SEZ6: variants seen among roughly 807,000 people sequenced by gnomAD.
SEZ6 encodes the protein seizure related 6 homolog, also known as seizure protein 6 homolog.
SEZ6 carries 53 observed loss-of-function variants against 101.0 expected under a neutral mutation model. The observed-to-expected ratio is 0.52, with a 90% CI of 0.42 to 0.66. SEZ6 has a LOEUF of 0.66. SEZ6 is among the 30% of genes least tolerant of loss of function. The pLI, the probability that SEZ6 is intolerant of heterozygous loss-of-function variation, is 0.00. For synonymous variants in SEZ6, 488 were observed against 512.2 expected, an observed-to-expected ratio of 0.95 and a Z score of 0.64; for missense variants, 1,102 against 1,289.4, an observed-to-expected ratio of 0.85 and a Z score of 2.23.
chr17:28,988,408 T>C (rs2041412788), intron 1 of SEZ6, among the ~76,000 whole-genome samples: 1 of 152,170 alleles, frequency 6.6e-6, no homozygotes. Flanking sequence ...GCACACTGTT[T>C]CCAAGCCCCG....
At chr17:28,990,700 C>A (rs569921400) in intron 1 of SEZ6, among the ~76,000 whole-genome samples, 1 of 152,052 alleles carries the variant, frequency 6.6e-6, no homozygotes, top group East Asian at 1.9e-4. Context: ...TCATCCCCAA[C>A]CAATCAGCAG....
chr17:28,960,011 T>C, intron 7 of SEZ6, 119 bp from the exon 8 acceptor site: 1 of 1,104,330 alleles, frequency 9.1e-7, no homozygotes, highest in East Asian at 2.6e-5. Flanking sequence ...GACAAATATA[T>C]GTCCTGGGGT....
intron 1 of SEZ6, among the ~76,000 whole-genome samples, chr17:28,995,291 T>C (rs1337353630): frequency 6.6e-6 from 1 of 151,930 alleles, no homozygotes; most frequent in Non-Finnish European, 1.5e-5. Flanking sequence ...CACATGTGTA[T>C]GTATGTAGGT....
chr17:28,999,733 G>A (rs2041590104), intron 1 of SEZ6, among the ~76,000 whole-genome samples: 1 of 152,158 alleles, frequency 6.6e-6, no homozygotes, highest in African/African-American at 2.4e-5. Flanking sequence ...GGCTGAAGGG[G>A]AGAGGTAGGG....
chr17:28,960,476 C>T, intron 7 of SEZ6, 29 bp downstream of exon 7: 1 of 1,575,392 alleles, frequency 6.3e-7, no homozygotes, highest in Non-Finnish European at 8.6e-7. Context: ...GTGGACCCGC[C>T]ACCCCCAGTG....
intron 3 of SEZ6, among the ~76,000 whole-genome samples, chr17:28,976,847 C>T (rs1365627140): frequency 1.3e-5 from 2 of 152,234 alleles, no homozygotes; most frequent in Non-Finnish European, 2.9e-5. Flanking sequence ...TCTCATCCTA[C>T]AGGTCTCAGG....
At chr17:28,972,422 G>T (rs2041164622) in intron 3 of SEZ6, among the ~76,000 whole-genome samples, 1 of 152,186 alleles carries the variant, frequency 6.6e-6, no homozygotes, top group Non-Finnish European at 1.5e-5. Context: ...CTCAGACTGG[G>T]TGCTGAGAAG....
intron 3 of SEZ6, 27 bp from the exon 4 acceptor site, chr17:28,969,979 CAAAGT>C: frequency 4.0e-6 from 6 of 1,512,100 alleles, no homozygotes; most frequent in Non-Finnish European, 5.2e-6. Flanking sequence ...GAGAGAAAAG[CAAAGT>C]AGTCAGACTT....
At chr17:28,971,083 G>C (rs529889783) in intron 3 of SEZ6, among the ~76,000 whole-genome samples, 2 of 152,346 alleles carry the variant, frequency 1.3e-5, no homozygotes, top group African/African-American at 4.8e-5. Flanking sequence ...ACTCTGCCCA[G>C]AGGGAAATTA....
rs1296043832 is a variant in SEZ6 at position 28,969,893 on chromosome 17, A to G, written c.918T>C (p.Pro306=). ...ETVTVEGLGG[P]DPLPLANQSF... The stretch of plus-strand genomic sequence containing the variant: ...ACTGGTTGGCCAGGGGCAGTGGGTC[A>G]GGCCCCCCCAGGCCTTCCACAGTCA... The change falls in exon 4 of 17, where the codon CCT becomes CCC. Residue 306 remains proline, a synonymous_variant. Coordinates refer to ENST00000317338, the MANE Select transcript of SEZ6 (RefSeq NM_178860.5). 6 of 1,543,220 alleles carry G rather than the reference A, an allele frequency of 3.9e-6. No individual in the cohort carries two copies. The highest frequency in any genetic ancestry group is 5.2e-6 in the Non-Finnish European group (6 of 1,153,092).
chr17:28,992,877 C>T (rs2041484536), intron 1 of SEZ6, among the ~76,000 whole-genome samples: 1 of 152,052 alleles, frequency 6.6e-6, no homozygotes, highest in Non-Finnish European at 1.5e-5. Context: ...TGAATGAGGC[C>T]TCTGCTCCTG....
intron 1 of SEZ6, among the ~76,000 whole-genome samples, chr17:28,992,740 T>A (rs1355589850): frequency 6.6e-6 from 1 of 152,048 alleles, no homozygotes. Context: ...CAGTGTCCCC[T>A]CCCTCCCATG....
chr17:28,963,214 G>A (rs2041013124), intron 5 of SEZ6, among the ~76,000 whole-genome samples: 1 of 151,612 alleles, frequency 6.6e-6, no homozygotes, highest in Non-Finnish European at 1.5e-5. Context: ...CCTTTTCATT[G>A]GCAGCAATCC....
intron 1 of SEZ6, among the ~76,000 whole-genome samples, chr17:28,989,735 T>C (rs1308261830): frequency 6.6e-6 from 1 of 152,156 alleles, no homozygotes; most frequent in African/African-American, 2.4e-5. Context: ...ATAGTTTAAA[T>C]GATAATAGCC....
chr17:28,974,662 A>T (rs552399694), intron 3 of SEZ6, among the ~76,000 whole-genome samples: 4 of 152,222 alleles, frequency 2.6e-5, no homozygotes, highest in Admixed American at 6.5e-5. Context: ...ACTCGAGGCC[A>T]GGACTCATGA....
intron 3 of SEZ6, among the ~76,000 whole-genome samples, chr17:28,977,876 C>T (rs537184625): frequency 8.5e-5 from 13 of 152,300 alleles, no homozygotes; most frequent in Admixed American, 2.6e-4. Flanking sequence ...CTTAATTAAG[C>T]GGTGCTGAGT....
chr17:28,960,462 C>A, intron 7 of SEZ6, 43 bp downstream of exon 7: 3 of 1,562,732 alleles, frequency 1.9e-6, no homozygotes, highest in Non-Finnish European at 2.6e-6. Flanking sequence ...CCGAGCCCAT[C>A]CCCGTGGACC....
chr17:28,969,908 T>C lies in SEZ6; in HGVS notation c.903A>G (p.Glu301=). 6.5e-7 allele frequency: 1 copy of C among 1,546,340 alleles called. No individual in the cohort carries two copies. Among genetic ancestry groups the C allele is most frequent in the South Asian group, 1.2e-5 (1 of 80,940 alleles). Reference sequence around the variant, plus strand: ...GCAGTGGGTCAGGCCCCCCCAGGCCTTCCACAGTCACTGTCTCCCCTTCCC... The same window carrying C: ...GCAGTGGGTCAGGCCCCCCCAGGCCCTCCACAGTCACTGTCTCCCCTTCCC... The part of the protein sequence containing the change: ...SLREGETVTV[E]GLGGPDPLPL... The change falls in exon 4 of 17, where the codon GAA becomes GAG. Residue 301 remains glutamate (E), a synonymous_variant. Transcript: ENST00000317338.
At chr17:28,966,882 C>G (rs2041077765) in intron 4 of SEZ6, among the ~76,000 whole-genome samples, 1 of 152,206 alleles carries the variant, frequency 6.6e-6, no homozygotes, top group Non-Finnish European at 1.5e-5. Context: ...TCCTCCTCTT[C>G]TGTCTCTCAT....
Sources: gnomAD v4.1 joint callset for allele counts (sites outside exome capture counted in the v4.1 genomes callset) on GRCh38, gnomAD v4.1.1 for gene constraint, MANE v1.5 for transcripts, NCBI Gene and HGNC (gene_info 2026-07-23, HGNC 2026-07-21) for gene names.